The following ADGRV1 variants were observed in gnomAD, a reference collection of about 807,000 sequenced individuals.
ADGRV1 encodes adhesion G protein-coupled receptor V1, also known as G-protein coupled receptor 98.
A neutral mutation model predicts 596.2 loss-of-function variants in ADGRV1; 359 were observed. The ratio of observed to expected loss-of-function variants is 0.60; its 90% CI spans 0.55 to 0.66. The LOEUF (loss-of-function observed/expected upper bound fraction) is 0.66, where lower values mean the gene tolerates loss of function less well. Ranked by LOEUF, ADGRV1 falls within the 30% of genes least tolerant of loss-of-function variation. The pLI is 0.00. For missense variants in ADGRV1, 7,274 were observed against 7,575.6 expected, an observed-to-expected ratio of 0.96 and a Z score of 1.48; for synonymous variants, 2,681 against 2,679.2, an observed-to-expected ratio of 1.00 and a Z score of -0.02.
intron 56 of ADGRV1, 57 bp downstream of exon 56, chr5:90,756,687 G>T: frequency 1.4e-6 from 2 of 1,422,618 alleles, no homozygotes; most frequent in East Asian, 2.3e-5. Flanking sequence ...TGCTGATTTG[G>T]CCAGTGTTTT....
intron 5 of ADGRV1, among the ~76,000 whole-genome samples, chr5:90,623,862 T>C (rs1764403279): frequency 6.6e-6 from 1 of 152,254 alleles, no homozygotes; most frequent in Admixed American, 6.5e-5. Flanking sequence ...CTAATCATTT[T>C]ATTTGATTGC....
At chr5:90,957,497 C>A (rs1777577416) in intron 83 of ADGRV1, among the ~76,000 whole-genome samples, 1 of 149,262 alleles carries the variant, frequency 6.7e-6, no homozygotes. Context: ...TATTAAAATA[C>A]CTCTATAAAA....
At chr5:90,798,876 GC>G (rs1761040926) in intron 70 of ADGRV1, among the ~76,000 whole-genome samples, 1 of 152,038 alleles carries the variant, frequency 6.6e-6, no homozygotes. Context: ...AAATTCAGCA[GC>G]CCTTCATGCT....
chr5:90,767,268 A>G (rs991723576), intron 59 of ADGRV1, among the ~76,000 whole-genome samples: 1 of 152,204 alleles, frequency 6.6e-6, no homozygotes, highest in Non-Finnish European at 1.5e-5. Context: ...CAGTCGTTTT[A>G]TAGTTTTTGC....
intron 83 of ADGRV1, among the ~76,000 whole-genome samples, chr5:90,906,432 C>G (rs1772329989): frequency 6.6e-6 from 1 of 151,948 alleles, no homozygotes; most frequent in Non-Finnish European, 1.5e-5. Context: ...AGGTTTTGGA[C>G]TTCTTCTTGG....
chr5:90,905,584 A>G (rs1294526371), intron 83 of ADGRV1, among the ~76,000 whole-genome samples: 2 of 152,066 alleles, frequency 1.3e-5, no homozygotes, highest in Admixed American at 6.5e-5. Context: ...ATGATTTTGT[A>G]CCCTTCAACT....
Position 90,642,619 on chromosome 5 carries a change from C to T in ADGRV1, c.2241-17C>T. 2 of 1,606,544 alleles carry T rather than the reference C, an allele frequency of 1.2e-6. No homozygotes were observed. The highest frequency in any genetic ancestry group is 1.7e-6 in the Non-Finnish European group (2 of 1,177,610). On this transcript the variant is annotated splice_polypyrimidine_tract_variant and intron_variant, in intron 11 of 89. Coordinates refer to ENST00000405460, the MANE Select transcript of ADGRV1 (RefSeq NM_032119.4). ...ACTGGAAGTAGCGGGTGCCATTTGT[C>T]TCTCTGACTTCTCTAGGGTTAACGT... is the stretch of plus-strand genomic sequence containing the variant.
chr5:90,619,375 G>A (rs562775324), intron 4 of ADGRV1, among the ~76,000 whole-genome samples, 194 bp downstream of exon 4: 2 of 152,238 alleles, frequency 1.3e-5, no homozygotes, highest in African/African-American at 2.4e-5. Context: ...AATTGAGGAC[G>A]CTTGTATGAT....
intron 86 of ADGRV1, among the ~76,000 whole-genome samples, chr5:91,088,288 A>T (rs976569507): frequency 6.6e-6 from 1 of 152,144 alleles, no homozygotes; most frequent in Non-Finnish European, 1.5e-5. Context: ...CCTTCTCCCC[A>T]TCTTTTTCCC....
intron 83 of ADGRV1, among the ~76,000 whole-genome samples, chr5:90,901,971 GAGGCCTTTGC>G (rs767493277): frequency 7.2e-5 from 11 of 152,070 alleles, no homozygotes; most frequent in Non-Finnish European, 1.6e-4. Flanking sequence ...GGACAGTTTA[GAGGCCTTTGC>G]AGAAGTCCAG....
In ADGRV1 at chr5:90,928,930, C is replaced by A. The variant is rs865895889; in HGVS notation, c.17857-36485C>A. On this transcript the variant is annotated intron_variant, in intron 83 of 89. Coordinates refer to ENST00000405460, the MANE Select transcript of ADGRV1 (RefSeq NM_032119.4). ...TGTGCCCCTGCTGGGGGGTGCCTCCCAGTTAGGCTGCTCGGGGGTCAGGGG... is the reference window on the plus strand; with the variant it reads ...TGTGCCCCTGCTGGGGGGTGCCTCCAAGTTAGGCTGCTCGGGGGTCAGGGG... Among the ~76,000 whole-genome samples, 1,373 of 145,834 alleles carry A rather than the reference C, an allele frequency of 9.4e-3. 39 individuals are homozygous for A. Among genetic ancestry groups the A allele is most frequent in the African/African-American group, 0.032 (1,274 of 39,342 alleles).
intron 59 of ADGRV1, among the ~76,000 whole-genome samples, chr5:90,765,470 C>CACACACACACACACAG (rs546930616): frequency 9.5e-4 from 142 of 149,454 alleles, no homozygotes; most frequent in African/African-American, 3.3e-3. Context: ...CACACACACA[C>CACACACACACACACAG]AAACTCTAGA....
intron 21 of ADGRV1, among the ~76,000 whole-genome samples, chr5:90,664,826 G>C (rs1417039502): frequency 7.2e-6 from 1 of 139,262 alleles, no homozygotes; most frequent in Non-Finnish European, 1.5e-5. Context: ...AGCATGAAGG[G>C]TTGTTGAATG....
intron 86 of ADGRV1, among the ~76,000 whole-genome samples, chr5:91,089,021 A>G (rs907617928): frequency 1.3e-5 from 2 of 152,048 alleles, no homozygotes; most frequent in African/African-American, 2.4e-5. Context: ...GCTTAGTCCA[A>G]TGTTGCTAGT....
At chr5:90,765,904 T>C (rs1176388624) in intron 59 of ADGRV1, among the ~76,000 whole-genome samples, 1 of 151,422 alleles carries the variant, frequency 6.6e-6, no homozygotes, top group East Asian at 1.9e-4. Flanking sequence ...TTTATTTTAT[T>C]TTATTTTAAT....
At chr5:91,018,386 G>A (rs1156622335) in intron 85 of ADGRV1, among the ~76,000 whole-genome samples, 1 of 151,962 alleles carries the variant, frequency 6.6e-6, no homozygotes, top group Non-Finnish European at 1.5e-5. Context: ...AACTGGATAT[G>A]GGAGATTTAC....
At chr5:90,824,104 TTAC>T (rs1277710273) in intron 76 of ADGRV1, among the ~76,000 whole-genome samples, 1 of 151,296 alleles carries the variant, frequency 6.6e-6, no homozygotes, top group Non-Finnish European at 1.5e-5. Flanking sequence ...CTTTTTTATA[TTAC>T]AATAACATTT....
chr5:90,983,474 G>C (rs1780245893), intron 84 of ADGRV1, among the ~76,000 whole-genome samples: 1 of 152,116 alleles, frequency 6.6e-6, no homozygotes, highest in African/African-American at 2.4e-5. Context: ...GAGTTACGAT[G>C]TCACATGGAT....
chr5:91,009,196 T>G (rs1782530337), intron 85 of ADGRV1, among the ~76,000 whole-genome samples: 3 of 152,208 alleles, frequency 2.0e-5, no homozygotes, highest in Admixed American at 2.0e-4. Context: ...TGTATAGATA[T>G]GAGGTCAAAG....
Sources: allele counts gnomAD v4.1 joint callset (sites outside exome capture counted in the v4.1 genomes callset), GRCh38; gene constraint gnomAD v4.1.1; transcripts MANE v1.5; gene names NCBI Gene and HGNC (gene_info 2026-07-23, HGNC 2026-07-21).